The following NOX1 variants were observed in gnomAD, a reference collection of about 807,000 sequenced individuals.
NOX1 encodes NADPH oxidase 1, also known as NADH/NADPH mitogenic oxidase subunit P65-MOX.
NOX1 carries 34 observed loss-of-function variants against 42.5 expected under a neutral mutation model. That is an observed-to-expected ratio of 0.80 (90% CI 0.61 to 1.07). The LOEUF is 1.07. NOX1 is among the 50% of genes least tolerant of loss of function. The pLI, the probability that NOX1 is intolerant of heterozygous loss-of-function variation, is 0.00. For synonymous variants in NOX1, 143 were observed against 152.5 expected (o/e 0.94, Z 0.46); for missense variants, 408 against 427.0 (o/e 0.96, Z 0.39).
At chrX:100,857,708 C>T (rs1437854208) in intron 7 of NOX1, among the ~76,000 whole-genome samples, 3 of 60,951 alleles carry the variant, frequency 4.9e-5, no homozygotes, top group Admixed American at 3.6e-4. Context: ...TGTCCTTTGC[C>T]CACTTTTTTT....
At chrX:100,859,108 C>G (rs1196771276) in intron 7 of NOX1, among the ~76,000 whole-genome samples, 9 of 111,748 alleles carry the variant, frequency 8.1e-5, no homozygotes, top group African/African-American at 2.9e-4. Context: ...TATGTTCCAG[C>G]AATGCCTAGT....
intron 7 of NOX1, among the ~76,000 whole-genome samples, chrX:100,852,720 C>G (rs1331745957): frequency 8.9e-6 from 1 of 111,740 alleles, no homozygotes; most frequent in Non-Finnish European, 1.9e-5. Context: ...ACAAATCAAA[C>G]AGAGTGAACA....
At chrX:100,856,244 A>T (rs2085166299) in intron 7 of NOX1, 4 of 961,906 alleles carry the variant, frequency 4.2e-6, no homozygotes, top group Non-Finnish European at 5.9e-6. Flanking sequence ...TGGATCTCTC[A>T]TTACCACACA....
At chrX:100,858,572 G>A (rs187143894) in intron 7 of NOX1, among the ~76,000 whole-genome samples, 5 of 111,739 alleles carry the variant, frequency 4.5e-5, no homozygotes, top group African/African-American at 1.3e-4. Context: ...AGTATGGAAT[G>A]TTTTTCCATT....
chrX:100,866,334 T>C (rs1326401969), intron 2 of NOX1, among the ~76,000 whole-genome samples: 1 of 111,622 alleles, frequency 9.0e-6, no homozygotes, highest in Non-Finnish European at 1.9e-5. Flanking sequence ...GTGTGTCTTA[T>C]TATATGTGTT....
chrX:100,854,927 A>G (rs1261367290), intron 7 of NOX1, among the ~76,000 whole-genome samples: 1 of 99,525 alleles, frequency 1.0e-5, no homozygotes, highest in Admixed American at 1.1e-4. Flanking sequence ...AGATGGCTTC[A>G]GTGTAGACTA....
At chrX:100,869,791 T>C (rs2147921348) in intron 2 of NOX1, among the ~76,000 whole-genome samples, 1 of 94,755 alleles carries the variant, frequency 1.1e-5, no homozygotes, top group East Asian at 3.4e-4. Context: ...TGATATTGGC[T>C]GTGGGTTTGT....
chrX:100,870,503 A>G (rs1252342186), intron 2 of NOX1, among the ~76,000 whole-genome samples: 1 of 111,972 alleles, frequency 8.9e-6, no homozygotes, highest in Non-Finnish European at 1.9e-5. Context: ...TTTAAAATAA[A>G]TATTTTAGTA....
intron 2 of NOX1, 59 bp from the exon 3 acceptor site, chrX:100,863,654 G>A (rs200881290): frequency 1.7e-6 from 2 of 1,153,223 alleles, no homozygotes; most frequent in East Asian, 6.4e-5. Context: ...TAGCACGTGA[G>A]CAACTGACCC....
chrX:100,870,704 A>C lies in NOX1; in HGVS notation c.141+15T>G. 2 of 1,013,763 alleles carry C rather than the reference A, an allele frequency of 2.0e-6. No individual in the cohort carries two copies. Among genetic ancestry groups the C allele is most frequent in the Non-Finnish European group, 2.8e-6 (2 of 718,553 alleles). 83.5% of individuals were successfully genotyped at this position (1,013,763 alleles called of 1,213,427 possible). On this transcript the variant is annotated intron_variant, in intron 2 of 12. Coordinates refer to ENST00000372966, the MANE Select transcript of NOX1 (RefSeq NM_007052.5). ...AAACAATAGAGATTCTATCCGTGAC[A>C]ACCGTGATACTCACCCCAAGGATTT...
chrX:100,873,702 G>C (rs1014857772), intron 1 of NOX1, among the ~76,000 whole-genome samples: 2 of 111,879 alleles, frequency 1.8e-5, no homozygotes, highest in African/African-American at 3.2e-5. Context: ...TATATTTCTA[G>C]TGGTCAGTAC....
At position 100,844,077 on chromosome X, in the gene NOX1, A is replaced by T; in HGVS notation, c.1570T>A (p.Ser524Thr). Residue 524 changes from serine to threonine, a missense_variant and splice_region_variant, in exon 13 of 13, where the codon TCT becomes ACT. Physicochemically the swap from Ser to Thr is moderately conservative, Grantham distance 58. Transcript: ENST00000372966. ...CCACATAAGAAAACTCCCACTACAG[A>T]CCTGTAGGAACAGAACAATAGTAAG... ...FSTIATSHPK[S>T]VVGVFLCGPR... 1 of 1,180,567 alleles carries T rather than the reference A, an allele frequency of 8.5e-7. No homozygotes were observed. Among genetic ancestry groups the T allele is most frequent in the Non-Finnish European group, 1.1e-6 (1 of 878,659 alleles).
chrX:100,845,045 T>A (rs781456412), intron 12 of NOX1, among the ~76,000 whole-genome samples: 197 of 111,489 alleles, frequency 1.8e-3, no homozygotes, highest in African/African-American at 6.1e-3. Flanking sequence ...CCCTCTTTTT[T>A]AAAAATATAA....
At position 100,848,844 on chromosome X, in the gene NOX1, G is replaced by A. The variant is rs547193634; in HGVS notation, c.1444-90C>T. On this transcript the variant is annotated intron_variant, in intron 11 of 12. Coordinates refer to ENST00000372966, the MANE Select transcript of NOX1 (RefSeq NM_007052.5). ...TAATCCCAATACTTTGGGAGGCCGA[G>A]GTGGGTGGATCACCTGAGGTCAGGA... 1.3e-4 allele frequency: 123 copies of A among 948,936 alleles called. No individual in the cohort carries two copies. The East Asian group carries it at 3.6e-3, about 27-fold the overall frequency. The allele number at this position is 948,936 out of a possible 1,213,427, so 78.2% of individuals were successfully genotyped here. A position where few individuals can be genotyped will look rare whatever the true frequency, so the allele number is the denominator to read the frequency against.
intron 7 of NOX1, among the ~76,000 whole-genome samples, chrX:100,853,292 T>TC (rs2085133981): frequency 1.3e-3 from 84 of 65,845 alleles, no homozygotes; most frequent in African/African-American, 5.5e-3. Context: ...CTTTCTTTCT[T>TC]TCTTTCTTTC....
intron 7 of NOX1, among the ~76,000 whole-genome samples, chrX:100,851,826 A>G (rs944086684): frequency 1.4e-4 from 16 of 111,410 alleles, no homozygotes; most frequent in African/African-American, 5.2e-4. Flanking sequence ...AGGCATAAGA[A>G]TCGCTTGAAC....
chrX:100,844,445 T>C (rs749746274), intron 12 of NOX1, among the ~76,000 whole-genome samples: 3 of 111,603 alleles, frequency 2.7e-5, no homozygotes, highest in South Asian at 3.8e-4. Context: ...TTTTCTTTTC[T>C]TTTTTTGAGA....
rs34818272 is a variant in NOX1, at chrX:100,854,954, T to TAA, written c.805-3631_805-3630dup. ...TGTAGACTAACTTTACACAGCACAT[T>TAA]AAAAAAAAAAGACATTTATTCAGTG... On this transcript the variant is annotated intron_variant, in intron 7 of 12. Coordinates refer to ENST00000372966, the MANE Select transcript of NOX1 (RefSeq NM_007052.5). Among the ~76,000 whole-genome samples the TAA allele has an allele frequency of 6.3e-3, 647 of 102,981 alleles. 9 individuals carry two copies. Among genetic ancestry groups the TAA allele is most frequent in the African/African-American group, 0.018 (494 of 28,065 alleles). 89.4% of individuals were successfully genotyped at this position (102,981 alleles called of 115,157 possible). A position where few individuals can be genotyped will look rare whatever the true frequency, so the allele number is the denominator to read the frequency against.
In NOX1 at chrX:100,843,547, A is replaced by G. The variant is rs1482646660; in HGVS notation, c.*405T>C. ...ATTTAAAAAGTCACCCTACTTAGAA[A>G]TCTTCTGTGGGGGTGGGAGGGACAA... On this transcript the variant is annotated 3_prime_UTR_variant, in exon 13 of 13. Transcript: ENST00000372966. 25 of 938,638 alleles carry G rather than the reference A, an allele frequency of 2.7e-5. No individual in the cohort carries two copies. Among genetic ancestry groups the G allele is most frequent in the Non-Finnish European group, 3.3e-5 (24 of 718,832 alleles). The allele number at this position is 938,638 out of a possible 1,213,427, so 77.4% of individuals were successfully genotyped here. A position where few individuals can be genotyped will look rare whatever the true frequency, so the allele number is the denominator to read the frequency against.
Sources: allele counts gnomAD v4.1 joint callset (sites outside exome capture counted in the v4.1 genomes callset), GRCh38; gene constraint gnomAD v4.1.1; transcripts MANE v1.5; gene names NCBI Gene and HGNC (gene_info 2026-07-23, HGNC 2026-07-21).